The following RMST variants were observed in gnomAD, a reference collection of about 807,000 sequenced individuals.
The protein encoded by RMST is long intergenic non-protein coding RNA 54.
At chr12:97,525,274 A>G (rs7962117) in intron 10 of RMST, among the ~76,000 whole-genome samples, 38,947 of 152,092 alleles carry the variant, frequency 0.26, 6,341 homozygotes, top group African/African-American at 0.46. Flanking sequence ...TTTGAAAATA[A>G]CATTGAAATG....
At chr12:97,474,229 C>T (rs1266451445) in intron 5 of RMST, among the ~76,000 whole-genome samples, 2 of 152,098 alleles carry the variant, frequency 1.3e-5, no homozygotes, top group Admixed American at 6.6e-5. Flanking sequence ...ATAAGACCCA[C>T]TCCTGGATGC....
chr12:97,517,720 A>C (rs1880080137), intron 10 of RMST, among the ~76,000 whole-genome samples: 1 of 151,936 alleles, frequency 6.6e-6, no homozygotes, highest in South Asian at 2.1e-4. Context: ...ATTGTCTCAC[A>C]CTTTTTTTCT....
intron 10 of RMST, among the ~76,000 whole-genome samples, chr12:97,522,769 A>G (rs1012743441): frequency 1.3e-5 from 2 of 152,190 alleles, no homozygotes; most frequent in Admixed American, 1.3e-4. Flanking sequence ...TGTGTGTGGT[A>G]CTTGGTTGTA....
chr12:97,490,525 G>T (rs1416385210), intron 5 of RMST, among the ~76,000 whole-genome samples: 1 of 152,102 alleles, frequency 6.6e-6, no homozygotes, highest in Non-Finnish European at 1.5e-5. Context: ...AAGCATTTAG[G>T]ACAGTGCCTG....
At chr12:97,492,163 C>T (rs1473753637) in intron 5 of RMST, among the ~76,000 whole-genome samples, 2 of 152,180 alleles carry the variant, frequency 1.3e-5, no homozygotes, top group Middle Eastern at 3.2e-3. Flanking sequence ...CAGTAGCACT[C>T]ACTGTTGCAA....
chr12:97,554,818 T>C (rs1883582113), intron 11 of RMST, among the ~76,000 whole-genome samples: 1 of 152,160 alleles, frequency 6.6e-6, no homozygotes, highest in African/African-American at 2.4e-5. Flanking sequence ...TTAAATATTG[T>C]GAGGAATGGA....
chr12:97,527,314 A>C (rs957399751), intron 10 of RMST, among the ~76,000 whole-genome samples: 1 of 152,136 alleles, frequency 6.6e-6, no homozygotes, highest in Non-Finnish European at 1.5e-5. Context: ...GTTCTCACCA[A>C]CTGCTTCAAC....
At chr12:97,554,067 G>T (rs887805966) in intron 11 of RMST, among the ~76,000 whole-genome samples, 7 of 148,710 alleles carry the variant, frequency 4.7e-5, no homozygotes, top group African/African-American at 1.7e-4. Context: ...CGATTCTCCT[G>T]CCTCAGCCTC....
At chr12:97,544,967 T>C (rs774065323) in intron 11 of RMST, among the ~76,000 whole-genome samples, 1 of 152,130 alleles carries the variant, frequency 6.6e-6, no homozygotes, top group Non-Finnish European at 1.5e-5. Context: ...AAATGACATC[T>C]ATTAATAGGC....
chr12:97,492,427 GT>G (rs561597440), intron 5 of RMST: 51 of 151,626 alleles, frequency 3.4e-4, no homozygotes, highest in East Asian at 1.1e-3. Context: ...TTTGCTTGTT[GT>G]TTTTTTTTTA....
intron 10 of RMST, among the ~76,000 whole-genome samples, chr12:97,517,188 G>A (rs1379874833): frequency 1.3e-5 from 2 of 151,870 alleles, no homozygotes; most frequent in South Asian, 2.1e-4. Flanking sequence ...TTTTCTGAAT[G>A]GTTTTTAAAG....
intron 11 of RMST, among the ~76,000 whole-genome samples, chr12:97,543,444 T>C (rs1882706940): frequency 6.6e-6 from 1 of 152,012 alleles, no homozygotes. Context: ...TTCTGCCCTG[T>C]TTAATACTTT....
chr12:97,563,561 C>T (rs1238012077), intron 13 of RMST: 1 of 318,098 alleles, frequency 3.1e-6, no homozygotes, highest in Non-Finnish European at 6.1e-6. Context: ...GGAATTCTTC[C>T]CAGTGTCCTT....
chr12:97,507,880 A>G (rs1169889327), intron 10 of RMST, among the ~76,000 whole-genome samples: 1 of 152,196 alleles, frequency 6.6e-6, no homozygotes, highest in Admixed American at 6.5e-5. Context: ...GCCAGCTCAC[A>G]TTAAAAGAAA....
intron 10 of RMST, among the ~76,000 whole-genome samples, chr12:97,507,961 G>A (rs749999897): frequency 3.3e-5 from 5 of 152,132 alleles, no homozygotes; most frequent in Non-Finnish European, 7.4e-5. Context: ...GTAGCCCTAT[G>A]GAAACGAAGG....
chr12:97,465,435 G>A (rs568902781), intron 4 of RMST, among the ~76,000 whole-genome samples: 1 of 152,300 alleles, frequency 6.6e-6, no homozygotes, highest in South Asian at 2.1e-4. Flanking sequence ...GGAGTACACA[G>A]CCTTGCTTAG....
At chr12:97,474,844 C>A (rs1322174653) in intron 5 of RMST, among the ~76,000 whole-genome samples, 1 of 152,030 alleles carries the variant, frequency 6.6e-6, no homozygotes, top group East Asian at 1.9e-4. Flanking sequence ...TGTCATGTCT[C>A]TAAAGTAAAT....
rs373488560 is a variant in RMST at position 97,512,391 on chromosome 12, C to T, written n.1340+16335C>T. On this transcript the variant is annotated intron_variant and non_coding_transcript_variant, in intron 10 of 13. Transcript: ENST00000640149. ...AGGGGACCCGAGCCGGTTAACACTG[C>T]TGGCTCCGGCAGCCTGCTTTTATTC... 3.6e-4 allele frequency among the ~76,000 whole-genome samples: 55 copies of T among 152,304 alleles called. 2 individuals are homozygous for T. Among genetic ancestry groups the T allele is most frequent in the East Asian group, 1.4e-3 (7 of 5,180 alleles).
chr12:97,554,142 C>T (rs535586383), intron 11 of RMST, among the ~76,000 whole-genome samples: 25 of 151,892 alleles, frequency 1.6e-4, no homozygotes, highest in Admixed American at 1.2e-3. Flanking sequence ...TGAGTAGAGA[C>T]AGGGTTTTGC....
Sources: allele counts gnomAD v4.1 joint callset (sites outside exome capture counted in the v4.1 genomes callset), GRCh38; gene constraint gnomAD v4.1.1; transcripts MANE v1.5; gene names NCBI Gene and HGNC (gene_info 2026-07-23, HGNC 2026-07-21).